CDH6: variants seen among roughly 807,000 people sequenced by gnomAD.
CDH6 encodes the protein cadherin 6.
A neutral mutation model predicts 78.0 loss-of-function variants in CDH6; 31 were observed. The observed-to-expected ratio is 0.40, with a 90% CI of 0.30 to 0.54. The LOEUF is 0.54. Among genes scored for constraint, CDH6 ranks in the 20% least tolerant of loss-of-function variants. The pLI, the probability that CDH6 is intolerant of heterozygous loss-of-function variation, is 0.56. For synonymous variants in CDH6, 376 were observed against 368.8 expected (o/e 1.02, Z -0.23); for missense variants, 724 against 975.9 (o/e 0.74, Z 3.44).
intron 11 of CDH6, 92 bp downstream of exon 11, chr5:31,318,016 G>A: frequency 6.9e-7 from 1 of 1,447,906 alleles, no homozygotes; most frequent in Non-Finnish European, 9.6e-7. Flanking sequence ...CCCCCATTAA[G>A]GCATACAGCC....
chr5:31,211,485 G>T (rs1740703491), intron 1 of CDH6, among the ~76,000 whole-genome samples: 1 of 151,778 alleles, frequency 6.6e-6, no homozygotes, highest in Non-Finnish European at 1.5e-5. Context: ...CCTTCTTTAG[G>T]GACTTTATTT....
chr5:31,291,665 G>GTGAC (rs1333031313), intron 2 of CDH6, among the ~76,000 whole-genome samples: 1 of 152,204 alleles, frequency 6.6e-6, no homozygotes, highest in African/African-American at 2.4e-5. Flanking sequence ...CCGCCAGGTG[G>GTGAC]TGACATTGCT....
chr5:31,307,950 T>G (rs1738033012), intron 7 of CDH6, among the ~76,000 whole-genome samples: 2 of 152,184 alleles, frequency 1.3e-5, no homozygotes, highest in African/African-American at 4.8e-5. Flanking sequence ...GCTGCCAGCC[T>G]TTCCTTGGTA....
intron 7 of CDH6, among the ~76,000 whole-genome samples, chr5:31,305,749 T>C (rs1281727005): frequency 6.6e-6 from 1 of 152,244 alleles, no homozygotes; most frequent in Non-Finnish European, 1.5e-5. Context: ...CCCCATACTT[T>C]AAGTCATTTC....
chr5:31,305,984 C>A lies in CDH6; in HGVS notation c.1253+557C>A, dbSNP rs968933959. 5.3e-5 allele frequency among the ~76,000 whole-genome samples: 8 copies of A among 152,228 alleles called. No individual in the cohort carries two copies. In the East Asian group the frequency reaches 1.5e-3, roughly 29 times the overall value. ...AGGAAAACAAGCTATAAGGAGTTTA[C>A]TGCTTAAGTAGAAGTAGTATAAGGT... On this transcript the variant is annotated intron_variant, in intron 7 of 11. Transcript: ENST00000265071.
At chr5:31,200,469 A>G (rs926730040) in intron 1 of CDH6, among the ~76,000 whole-genome samples, 3 of 151,880 alleles carry the variant, frequency 2.0e-5, no homozygotes, top group Admixed American at 1.3e-4. Flanking sequence ...TAGTAAGTAA[A>G]AATAATTTTT....
At chr5:31,216,961 T>A (rs1408234715) in intron 1 of CDH6, among the ~76,000 whole-genome samples, 1 of 152,100 alleles carries the variant, frequency 6.6e-6, no homozygotes, top group Admixed American at 6.6e-5. Context: ...GAGAGGCTCA[T>A]GTGTGGTTTT....
chr5:31,279,046 A>G (rs1425391702), intron 2 of CDH6, among the ~76,000 whole-genome samples: 1 of 152,166 alleles, frequency 6.6e-6, no homozygotes, highest in Non-Finnish European at 1.5e-5. Context: ...TCCCCCAGGC[A>G]GCAAAGTTCC....
Position 31,323,446 on chromosome 5 carries a change from A to G in CDH6, c.*138A>G. On this transcript the variant is annotated 3_prime_UTR_variant, in exon 12 of 12. Transcript: ENST00000265071. ...AATGGCTGCAGTCCGTGTGGATCCA[A>G]TGTTAGAGACTTTTTTCTAGTACAC... 2.0e-6 allele frequency: 2 copies of G among 997,100 alleles called. No individual in the cohort carries two copies. Among genetic ancestry groups the G allele is most frequent in the Non-Finnish European group, 2.9e-6 (2 of 688,302 alleles). The allele number at this position is 997,100 out of a possible 1,614,324, so 61.8% of individuals were successfully genotyped here.
intron 11 of CDH6, 123 bp downstream of exon 11, chr5:31,318,047 A>T (rs1292150187): frequency 2.6e-6 from 3 of 1,151,738 alleles, no homozygotes; most frequent in Non-Finnish European, 3.9e-6. Flanking sequence ...GAGTCGAGTT[A>T]CATACTGAGA....
chr5:31,240,161 T>G (rs1047346979), intron 1 of CDH6, among the ~76,000 whole-genome samples: 8 of 152,146 alleles, frequency 5.3e-5, no homozygotes, highest in African/African-American at 1.9e-4. Flanking sequence ...ATTCCACACT[T>G]GAGCATATTA....
intron 1 of CDH6, among the ~76,000 whole-genome samples, chr5:31,246,725 T>G (rs970619790): frequency 6.6e-6 from 1 of 151,178 alleles, no homozygotes; most frequent in Admixed American, 6.6e-5. Context: ...CATTGAAGAG[T>G]TTTTTGTGTT....
At chr5:31,307,620 A>G (rs1006227864) in intron 7 of CDH6, among the ~76,000 whole-genome samples, 2 of 152,222 alleles carry the variant, frequency 1.3e-5, no homozygotes, top group African/African-American at 4.8e-5. Context: ...ATATATGTGT[A>G]AGTATTTTCA....
intron 1 of CDH6, among the ~76,000 whole-genome samples, chr5:31,205,223 AT>A (rs2111786068): frequency 6.6e-6 from 1 of 152,314 alleles, no homozygotes; most frequent in African/African-American, 2.4e-5. Context: ...TTTACAACTG[AT>A]TTCCTGTTCA....
At chr5:31,218,884 C>T (rs1158220397) in intron 1 of CDH6, among the ~76,000 whole-genome samples, 3 of 152,204 alleles carry the variant, frequency 2.0e-5, no homozygotes, top group Admixed American at 6.5e-5. Context: ...TACCACTTCG[C>T]TCTTTCCTAG....
chr5:31,276,350 T>A (rs540624362), intron 2 of CDH6, among the ~76,000 whole-genome samples: 1 of 152,266 alleles, frequency 6.6e-6, no homozygotes, highest in East Asian at 1.9e-4. Context: ...GCCAAAATAT[T>A]TCCCAGGGAA....
At chr5:31,213,245 G>A in intron 1 of CDH6, among the ~76,000 whole-genome samples, 1 of 152,200 alleles carries the variant, frequency 6.6e-6, no homozygotes, top group Non-Finnish European at 1.5e-5. Context: ...AATTAAGGCT[G>A]CAATCCACCC....
chr5:31,237,619 A>T (rs1047056920), intron 1 of CDH6, among the ~76,000 whole-genome samples: 7 of 152,216 alleles, frequency 4.6e-5, no homozygotes, highest in Non-Finnish European at 1.0e-4. Context: ...CCATATAATT[A>T]AAAATTGACT....
intron 8 of CDH6, 125 bp from the exon 9 acceptor site, chr5:31,316,083 C>T: frequency 1.0e-6 from 1 of 989,796 alleles, no homozygotes; most frequent in Non-Finnish European, 1.5e-6. Context: ...TACTTAATGC[C>T]CAGTAGTACA....
Sources: allele counts gnomAD v4.1 joint callset (sites outside exome capture counted in the v4.1 genomes callset), GRCh38; gene constraint gnomAD v4.1.1; transcripts MANE v1.5; gene names NCBI Gene and HGNC (gene_info 2026-07-23, HGNC 2026-07-21).